Variants in SORCS2 observed in about 807,000 individuals in gnomAD.
The protein encoded by SORCS2 is VPS10 domain-containing receptor SorCS2.
A neutral mutation model predicts 141.6 loss-of-function variants in SORCS2; 100 were observed. The observed-to-expected ratio is 0.71, with a 90% confidence interval of 0.60 to 0.83. SORCS2 has a LOEUF of 0.83. SORCS2 is among the 40% of genes least tolerant of loss of function. SORCS2 has a pLI of 0.00. For synonymous variants in SORCS2, 789 were observed against 676.9 expected, an observed-to-expected ratio of 1.17 and a Z score of -2.57; for missense variants, 1,646 against 1,560.2, an observed-to-expected ratio of 1.05 and a Z score of -0.93.
At chr4:7,249,969 C>T (rs995282735) in intron 1 of SORCS2, among the ~76,000 whole-genome samples, 4 of 152,204 alleles carry the variant, frequency 2.6e-5, no homozygotes, top group East Asian at 3.9e-4. Context: ...AGGCTGGACG[C>T]GGTGGCTCGT....
intron 2 of SORCS2, among the ~76,000 whole-genome samples, chr4:7,496,113 A>G (rs1289518315): frequency 6.6e-6 from 1 of 152,102 alleles, no homozygotes; most frequent in Non-Finnish European, 1.5e-5. Flanking sequence ...TTGAGAGTGA[A>G]CCTGTCTTGC....
intron 3 of SORCS2, among the ~76,000 whole-genome samples, chr4:7,608,748 C>T (rs1201612108): frequency 6.6e-6 from 1 of 152,166 alleles, no homozygotes; most frequent in African/African-American, 2.4e-5. Context: ...GCTTCCCGCT[C>T]CAGGGACATC....
chr4:7,719,178 T>C (rs985535826), intron 18 of SORCS2, among the ~76,000 whole-genome samples: 3 of 152,212 alleles, frequency 2.0e-5, no homozygotes, highest in Non-Finnish European at 4.4e-5. Context: ...CCTGTTTAAA[T>C]GTCCTTCAAA....
At chr4:7,350,253 C>A (rs967391399) in intron 1 of SORCS2, among the ~76,000 whole-genome samples, 23 of 152,188 alleles carry the variant, frequency 1.5e-4, no homozygotes. Context: ...CAGGTGTTTG[C>A]AGCAATGTTA....
intron 1 of SORCS2, among the ~76,000 whole-genome samples, chr4:7,371,617 G>A (rs1400437371): frequency 6.6e-6 from 1 of 152,170 alleles, no homozygotes; most frequent in Non-Finnish European, 1.5e-5. Flanking sequence ...GTGACATGCC[G>A]GCATCGTGAT....
chr4:7,390,781 G>A (rs573131323), intron 1 of SORCS2, among the ~76,000 whole-genome samples: 1 of 152,312 alleles, frequency 6.6e-6, no homozygotes, highest in Non-Finnish European at 1.5e-5. Flanking sequence ...TGGTGGAGCA[G>A]TTTATGAAAA....
intron 2 of SORCS2, among the ~76,000 whole-genome samples, chr4:7,425,811 G>A (rs539090162): frequency 2.0e-5 from 3 of 152,342 alleles, no homozygotes; most frequent in South Asian, 4.1e-4. Flanking sequence ...AGGAAGGGGC[G>A]GCAGCAGGCA....
At chr4:7,295,504 C>T (rs1195730590) in intron 1 of SORCS2, among the ~76,000 whole-genome samples, 4 of 152,084 alleles carry the variant, frequency 2.6e-5, no homozygotes, top group African/African-American at 9.6e-5. Context: ...GCCGTTGGCT[C>T]GAGCCGCCCA....
chr4:7,470,745 C>T (rs73088038), intron 2 of SORCS2, among the ~76,000 whole-genome samples: 3 of 152,232 alleles, frequency 2.0e-5, no homozygotes, highest in Non-Finnish European at 2.9e-5. Flanking sequence ...GCCCTGGCCC[C>T]AGCCCCAGCC....
At chr4:7,351,543 C>A (rs950429237) in intron 1 of SORCS2, among the ~76,000 whole-genome samples, 3 of 152,194 alleles carry the variant, frequency 2.0e-5, no homozygotes, top group Non-Finnish European at 2.9e-5. Context: ...GACAACAGTT[C>A]TCTGGGTCAG....
intron 1 of SORCS2, among the ~76,000 whole-genome samples, chr4:7,265,013 T>G (rs1409922686): frequency 1.3e-5 from 2 of 152,214 alleles, no homozygotes; most frequent in Non-Finnish European, 2.9e-5. Flanking sequence ...TGACACCAGC[T>G]TCTATGCCGC....
chr4:7,348,275 T>C lies in SORCS2; in HGVS notation c.481-48013T>C, dbSNP rs764322029. Among the ~76,000 whole-genome samples the C allele has an allele frequency of 1.8e-4, 27 of 152,338 alleles. 1 individual carries two copies. The Middle Eastern group carries it at 0.027, about 154-fold the overall frequency. Reference sequence around the variant, plus strand: ...AGCTTTCTCACAAGGATTATGAAATTAGAGTTCATTCAGAGAAAGCATATT... The same window carrying C: ...AGCTTTCTCACAAGGATTATGAAATCAGAGTTCATTCAGAGAAAGCATATT... On this transcript the variant is annotated intron_variant, in intron 1 of 26. Transcript: ENST00000507866.
intron 3 of SORCS2, among the ~76,000 whole-genome samples, chr4:7,538,918 C>T (rs746207546): frequency 1.3e-5 from 2 of 152,188 alleles, no homozygotes; most frequent in Admixed American, 1.3e-4. Flanking sequence ...GCGGTGTGGT[C>T]ATGATAAAGC....
rs201005066 is a variant in SORCS2 at position 7,316,141 on chromosome 4, CCATCCATT to C, written c.481-80139_481-80132del. ...ATCTACCATCCATTTATCTATTCAT[CCATCCATT>C]CATCCATCCATCTATCCCTCCTATT... On this transcript the variant is annotated intron_variant, in intron 1 of 26. Transcript: ENST00000507866. Among the ~76,000 whole-genome samples, 1,011 of 151,834 alleles carry C rather than the reference CCATCCATT, an allele frequency of 6.7e-3. 10 individuals carry two copies. The highest frequency in any genetic ancestry group is 0.023 in the African/African-American group (937 of 41,360).
intron 5 of SORCS2, among the ~76,000 whole-genome samples, chr4:7,658,307 G>C (rs566675153): frequency 1.3e-5 from 2 of 150,540 alleles, no homozygotes; most frequent in South Asian, 4.2e-4. Context: ...GGGTGAGTGA[G>C]TGAGTCTGTG....
At chr4:7,285,963 G>A (rs1185707437) in intron 1 of SORCS2, among the ~76,000 whole-genome samples, 5 of 152,300 alleles carry the variant, frequency 3.3e-5, no homozygotes, top group East Asian at 1.9e-4. Context: ...GGCCCAGTGC[G>A]GGGACCAGCA....
At chr4:7,303,271 A>G (rs1717563156) in intron 1 of SORCS2, among the ~76,000 whole-genome samples, 1 of 152,234 alleles carries the variant, frequency 6.6e-6, no homozygotes, top group Non-Finnish European at 1.5e-5. Flanking sequence ...TTCATTAAGT[A>G]AAGGATGGCA....
intron 4 of SORCS2, among the ~76,000 whole-genome samples, chr4:7,644,768 C>T (rs1237699047): frequency 6.6e-6 from 1 of 152,208 alleles, no homozygotes; most frequent in Non-Finnish European, 1.5e-5. Context: ...TTTTTATCTT[C>T]ATATGAGAGT....
At chr4:7,537,083 T>C (rs567026786) in intron 3 of SORCS2, among the ~76,000 whole-genome samples, 1 of 152,328 alleles carries the variant, frequency 6.6e-6, no homozygotes, top group African/African-American at 2.4e-5. Context: ...TGGGGCTCCC[T>C]GTGTCTGCGC....
Sources: allele counts gnomAD v4.1 joint callset (sites outside exome capture counted in the v4.1 genomes callset), GRCh38; gene constraint gnomAD v4.1.1; transcripts MANE v1.5; gene names NCBI Gene and HGNC (gene_info 2026-07-23, HGNC 2026-07-21).